Variants in FAXC observed in about 807,000 individuals in gnomAD.
FAXC encodes failed axon connections homolog.
A neutral mutation model predicts 41.9 loss-of-function variants in FAXC; 10 were observed. The ratio of observed to expected loss-of-function variants is 0.24; its 90% CI spans 0.15 to 0.41. The LOEUF (loss-of-function observed/expected upper bound fraction) is 0.41, where lower values mean the gene tolerates loss of function less well. FAXC is among the 10% of genes least tolerant of loss of function. FAXC has a pLI of 1.00. For missense variants in FAXC, 399 were observed against 510.9 expected (o/e 0.78, Z 2.11); for synonymous variants, 183 against 183.8 (o/e 1.00, Z 0.03).
In FAXC at chr6:99,284,551, T is replaced by C. The variant is rs370452467; in HGVS notation, c.941-3098A>G. Reference sequence around the variant, plus strand: ...AAGTTGGCAGCAGAAACAGGTTGTGTGGAGTGTCTGTGTGTGTGTGTGTGT... The same window carrying C: ...AAGTTGGCAGCAGAAACAGGTTGTGCGGAGTGTCTGTGTGTGTGTGTGTGT... On this transcript the variant is annotated intron_variant, in intron 5 of 5. Transcript: ENST00000389677. Among the ~76,000 whole-genome samples the C allele has an allele frequency of 2.4e-3, 305 of 129,240 alleles. 1 individual carries two copies. The highest frequency in any genetic ancestry group is 8.9e-3 in the African/African-American group (294 of 33,086). The allele number at this position is 129,240 out of a possible 152,430, so 84.8% of individuals were successfully genotyped here. A position where few individuals can be genotyped will look rare whatever the true frequency, so the allele number is the denominator to read the frequency against.
intron 2 of FAXC, among the ~76,000 whole-genome samples, chr6:99,337,907 C>T (rs1773272875): frequency 6.6e-6 from 1 of 152,074 alleles, no homozygotes. Flanking sequence ...ATCTGAGGAG[C>T]ACTGGCATTT....
chr6:99,271,871 G>A lies in FAXC; in HGVS notation c.*9293C>T, dbSNP rs1562137343. ...GACCAAAGATTTGGTCAAATTTTAA[G>A]ATAGAATTTGAAACATCCTGCATGT... On this transcript the variant is annotated 3_prime_UTR_variant, in exon 6 of 6. Coordinates refer to ENST00000389677, the MANE Select transcript of FAXC (RefSeq NM_032511.4). 6.6e-6 allele frequency: 1 copy of A among 152,268 alleles called. No homozygotes were observed. The highest frequency in any genetic ancestry group is 1.9e-4 in the East Asian group (1 of 5,176). The allele number at this position is 152,268 out of a possible 1,614,324, so 9.4% of individuals were successfully genotyped here. A position where few individuals can be genotyped will look rare whatever the true frequency, so the allele number is the denominator to read the frequency against.
chr6:99,278,084 T>C lies in FAXC; in HGVS notation c.*3080A>G, dbSNP rs1770694075. The C allele has an allele frequency of 6.6e-6, 1 of 152,210 alleles. No homozygotes were observed. The highest frequency in any genetic ancestry group is 1.5e-5 in the Non-Finnish European group (1 of 68,046). 9.4% of individuals were successfully genotyped at this position (152,210 alleles called of 1,614,324 possible). A position where few individuals can be genotyped will look rare whatever the true frequency, so the allele number is the denominator to read the frequency against. On this transcript the variant is annotated 3_prime_UTR_variant, in exon 6 of 6. Transcript: ENST00000389677. ...CTTGAGGAGTAGACTGCAGTCTGAT[T>C]CAAGTCCAAGTTGTTCCAGGTCCGT...
At chr6:99,285,723 G>T (rs1311489832) in intron 5 of FAXC, among the ~76,000 whole-genome samples, 3 of 152,160 alleles carry the variant, frequency 2.0e-5, no homozygotes, top group Non-Finnish European at 4.4e-5. Flanking sequence ...AACTTGAGAG[G>T]ATATTTATCA....
intron 5 of FAXC, among the ~76,000 whole-genome samples, chr6:99,286,966 G>A (rs891426678): frequency 6.6e-6 from 1 of 152,154 alleles, no homozygotes; most frequent in Non-Finnish European, 1.5e-5. Context: ...TGTAGACCAA[G>A]AGCTTATGCC....
Position 99,319,650 on chromosome 6 carries a change from G to C in FAXC, c.823+3794C>G, listed in dbSNP as rs78704768. ...GGCTTGCCCAAGGCCTTAGAGCTGGGGTTTGAGTTCTGGAGTTATCATTCT... is the reference window on the plus strand; with the variant it reads ...GGCTTGCCCAAGGCCTTAGAGCTGGCGTTTGAGTTCTGGAGTTATCATTCT... On this transcript the variant is annotated intron_variant, in intron 4 of 5. Coordinates refer to ENST00000389677, the MANE Select transcript of FAXC (RefSeq NM_032511.4). Among the ~76,000 whole-genome samples, 1,422 of 152,250 alleles carry C rather than the reference G, an allele frequency of 9.3e-3. 30 individuals are homozygous for C. Among genetic ancestry groups the C allele is most frequent in the African/African-American group, 0.031 (1,292 of 41,534 alleles).
At chr6:99,334,000 GAAT>G (rs1773125533) in intron 2 of FAXC, among the ~76,000 whole-genome samples, 1 of 152,142 alleles carries the variant, frequency 6.6e-6, no homozygotes, top group African/African-American at 2.4e-5. Flanking sequence ...TCTCACACCT[GAAT>G]AATAATACCA....
At chr6:99,301,000 T>C (rs1162284074) in intron 4 of FAXC, among the ~76,000 whole-genome samples, 1 of 152,228 alleles carries the variant, frequency 6.6e-6, no homozygotes, top group Non-Finnish European at 1.5e-5. Context: ...GAAGGACTTT[T>C]CTTCATTTTA....
intron 2 of FAXC, among the ~76,000 whole-genome samples, chr6:99,342,224 T>C (rs934138981): frequency 6.6e-6 from 1 of 152,122 alleles, no homozygotes; most frequent in African/African-American, 2.4e-5. Context: ...CCAAGATTCA[T>C]GAGGGACAAA....
chr6:99,348,563 G>A (rs1454382197), intron 1 of FAXC, among the ~76,000 whole-genome samples: 1 of 152,204 alleles, frequency 6.6e-6, no homozygotes, highest in Non-Finnish European at 1.5e-5. Context: ...TACCAGATAA[G>A]CAGAGAACCA....
chr6:99,316,351 T>C (rs559178318), intron 4 of FAXC, among the ~76,000 whole-genome samples: 3 of 152,208 alleles, frequency 2.0e-5, no homozygotes, highest in South Asian at 2.1e-4. Flanking sequence ...CCCCAGAGGG[T>C]AGCTCTTCTA....
intron 4 of FAXC, among the ~76,000 whole-genome samples, chr6:99,305,620 T>C (rs1243324140): frequency 6.6e-6 from 1 of 151,606 alleles, no homozygotes; most frequent in Non-Finnish European, 1.5e-5. Flanking sequence ...ACCAAACCCA[T>C]GAGAATAATA....
intron 4 of FAXC, among the ~76,000 whole-genome samples, chr6:99,319,663 G>A (rs1053563235): frequency 2.0e-5 from 3 of 152,138 alleles, no homozygotes; most frequent in African/African-American, 7.2e-5. Flanking sequence ...TTGAGTTCTG[G>A]AGTTATCATT....
chr6:99,285,478 A>T (rs1770999137), intron 5 of FAXC, among the ~76,000 whole-genome samples: 1 of 152,346 alleles, frequency 6.6e-6, no homozygotes, highest in Admixed American at 6.5e-5. Context: ...AAACAAACTG[A>T]AACACCTAGA....
At chr6:99,324,869 T>G (rs1447965158) in intron 3 of FAXC, among the ~76,000 whole-genome samples, 1 of 152,096 alleles carries the variant, frequency 6.6e-6, no homozygotes, top group Non-Finnish European at 1.5e-5. Context: ...CTGGCTGATA[T>G]AGCAGTAATG....
At chr6:99,328,197 T>C (rs1772889571) in intron 3 of FAXC, among the ~76,000 whole-genome samples, 1 of 152,174 alleles carries the variant, frequency 6.6e-6, no homozygotes, top group Admixed American at 6.5e-5. Context: ...ACCTCCCTGC[T>C]ATAGACTGAA....
chr6:99,293,847 A>G (rs1453183599), intron 4 of FAXC, among the ~76,000 whole-genome samples: 4 of 152,008 alleles, frequency 2.6e-5, no homozygotes, highest in Non-Finnish European at 5.9e-5. Flanking sequence ...CTGGTTCTAC[A>G]TGCTGTACTC....
intron 2 of FAXC, among the ~76,000 whole-genome samples, chr6:99,335,973 G>A (rs1371028186): frequency 6.6e-6 from 1 of 152,048 alleles, no homozygotes; most frequent in Non-Finnish European, 1.5e-5. Context: ...AAAAAAAAGA[G>A]ACTTACAAAC....
At chr6:99,333,282 G>A in intron 3 of FAXC, 69 bp downstream of exon 3, 4 of 1,313,590 alleles carry the variant, frequency 3.0e-6, no homozygotes, top group Non-Finnish European at 4.2e-6. Flanking sequence ...GGTGGAAAGA[G>A]GATCTGAAAA....
Sources: gnomAD v4.1 joint callset for allele counts (sites outside exome capture counted in the v4.1 genomes callset) on GRCh38, gnomAD v4.1.1 for gene constraint, MANE v1.5 for transcripts, NCBI Gene and HGNC (gene_info 2026-07-23, HGNC 2026-07-21) for gene names.